Variants in SH3RF1 observed in about 807,000 individuals in gnomAD.
The protein encoded by SH3RF1 is SH3 domain containing ring finger 1, also known as E3 ubiquitin-protein ligase SH3RF1.
In SH3RF1, 32 loss-of-function variants were observed where a neutral mutation model predicts 74.0. The ratio of observed to expected loss-of-function variants is 0.43; its 90% CI spans 0.33 to 0.58. The LOEUF (loss-of-function observed/expected upper bound fraction) is 0.58, where lower values mean the gene tolerates loss of function less well. Among genes scored for constraint, SH3RF1 ranks in the 20% least tolerant of loss-of-function variants. SH3RF1 has a pLI of 0.05. For missense variants in SH3RF1, 954 were observed against 1,130.9 expected (o/e 0.84, Z 2.24); for synonymous variants, 396 against 439.6 (o/e 0.90, Z 1.24).
chr4:169,246,777 C>T (rs1440267404), intron 2 of SH3RF1, among the ~76,000 whole-genome samples: 1 of 152,230 alleles, frequency 6.6e-6, no homozygotes, highest in African/African-American at 2.4e-5. Flanking sequence ...GTCTGATCCA[C>T]TAATGTAAGT....
intron 2 of SH3RF1, among the ~76,000 whole-genome samples, chr4:169,170,945 AAAAT>A (rs1163878757): frequency 6.6e-6 from 1 of 152,260 alleles, no homozygotes; most frequent in Non-Finnish European, 1.5e-5. Flanking sequence ...GGAGAACTGT[AAAAT>A]AAATACAGTA....
Position 169,122,140 on chromosome 4 carries a change from C to A in SH3RF1, c.1306G>T (p.Asp436Tyr). 1 of 1,613,092 alleles carries A rather than the reference C, an allele frequency of 6.2e-7. No individual in the cohort carries two copies. Among genetic ancestry groups the A allele is most frequent in the South Asian group, 1.1e-5 (1 of 91,000 alleles). Residue 436 changes from aspartate to tyrosine, a missense_variant, in exon 7 of 12, where the codon GAC becomes TAC. By Grantham distance (160) the Asp-to-Tyr change is radical. Transcript: ENST00000284637. The part of the protein sequence containing the change: ...MGPRPMAGST[D>Y]QIAHLRPQTR... ...TGCGGCCGTAAATGTGCAATCTGGT[C>A]AGTGGATCCTGCCATGGGCCTCGGT... is the stretch of plus-strand genomic sequence containing the variant.
chr4:169,221,172 C>G (rs558024087), intron 2 of SH3RF1, among the ~76,000 whole-genome samples: 1 of 152,136 alleles, frequency 6.6e-6, no homozygotes, highest in Non-Finnish European at 1.5e-5. Context: ...AGCATTAAGA[C>G]GAAAGGCTGA....
intron 2 of SH3RF1, among the ~76,000 whole-genome samples, chr4:169,159,900 T>C (rs1305709883): frequency 3.9e-5 from 6 of 152,218 alleles, no homozygotes; most frequent in Non-Finnish European, 8.8e-5. Context: ...ACACATTTGT[T>C]TTCTGAGTAG....
intron 11 of SH3RF1, among the ~76,000 whole-genome samples, chr4:169,097,046 A>T (rs1407722871): frequency 6.6e-6 from 1 of 152,184 alleles, no homozygotes; most frequent in Non-Finnish European, 1.5e-5. Flanking sequence ...CTCCAAGGAA[A>T]CAGGAGTGAA....
At chr4:169,260,231 T>C (rs1005900316) in intron 2 of SH3RF1, among the ~76,000 whole-genome samples, 1 of 152,232 alleles carries the variant, frequency 6.6e-6, no homozygotes, top group Non-Finnish European at 1.5e-5. Flanking sequence ...CCTCTGATTT[T>C]ATTCTTTTGC....
intron 2 of SH3RF1, among the ~76,000 whole-genome samples, chr4:169,237,381 C>T (rs1730837458): frequency 6.6e-6 from 1 of 152,204 alleles, no homozygotes; most frequent in Non-Finnish European, 1.5e-5. Context: ...TGGCTCATGC[C>T]TGTAATCACA....
At chr4:169,254,969 C>G (rs1304533239) in intron 2 of SH3RF1, among the ~76,000 whole-genome samples, 1 of 152,176 alleles carries the variant, frequency 6.6e-6, no homozygotes, top group East Asian at 1.9e-4. Context: ...AGAAGAGGTA[C>G]AGGGGAGCAC....
At chr4:169,191,281 C>T (rs1734702572) in intron 2 of SH3RF1, among the ~76,000 whole-genome samples, 1 of 146,260 alleles carries the variant, frequency 6.8e-6, no homozygotes, top group East Asian at 2.0e-4. Context: ...AGAACTCAAT[C>T]CCTTTTACAA....
intron 2 of SH3RF1, among the ~76,000 whole-genome samples, chr4:169,250,826 G>T (rs928162750): frequency 6.6e-6 from 1 of 152,142 alleles, no homozygotes; most frequent in Non-Finnish European, 1.5e-5. Context: ...TTTGGATATG[G>T]TGGTCACAGA....
chr4:169,100,825 A>T (rs530181841), intron 11 of SH3RF1, among the ~76,000 whole-genome samples: 4 of 151,664 alleles, frequency 2.6e-5, no homozygotes, highest in African/African-American at 9.7e-5. Context: ...AGTCCCAAAC[A>T]CTCCCCTAAG....
At chr4:169,254,972 G>A (rs949231229) in intron 2 of SH3RF1, among the ~76,000 whole-genome samples, 3 of 152,206 alleles carry the variant, frequency 2.0e-5, no homozygotes, top group African/African-American at 7.2e-5. Flanking sequence ...AGAGGTACAG[G>A]GGAGCACCTC....
rs202243296 is a variant in SH3RF1 at position 169,136,405 on chromosome 4, G to A, written c.981C>T (p.Ser327=). Residue 327 remains serine, a synonymous_variant, in exon 5 of 12, where the codon AGC becomes AGT. Coordinates refer to ENST00000284637, the MANE Select transcript of SH3RF1 (RefSeq NM_020870.4). ...TGCTGGAGCTGATGAGGACAGGGGG[G>A]CTGATCTCCATGGAGTGGCGGTTCT... ...ASQNRHSMEI[S]PPVLISSSNP... is the part of the protein sequence containing the mutation. 4 of 1,606,028 alleles carry A rather than the reference G, an allele frequency of 2.5e-6. No individual in the cohort carries two copies. The highest frequency in any genetic ancestry group is 3.4e-6 in the Non-Finnish European group (4 of 1,176,260).
Position 169,122,189 on chromosome 4 carries a change from G to T in SH3RF1, c.1257C>A (p.Ala419=), listed in dbSNP as rs369189875. 1.2e-6 allele frequency: 2 copies of T among 1,613,684 alleles called. No homozygotes were observed. Among genetic ancestry groups the T allele is most frequent in the Non-Finnish European group, 1.7e-6 (2 of 1,179,982 alleles). The change falls in exon 7 of 12, where the codon GCC becomes GCA. Residue 419 remains alanine, a synonymous_variant. Transcript: ENST00000284637. ...VLASTPPGAT[A]AAAAAGMGPR... is the part of the protein sequence containing the mutation. ...GTCCCATTCCAGCAGCAGCAGCAGC[G>T]GCGGTGGCGCCTGGTGGTGTGGAGG... is the stretch of plus-strand genomic sequence containing the variant.
At chr4:169,129,359 T>C (rs1733575734) in intron 6 of SH3RF1, among the ~76,000 whole-genome samples, 1 of 152,254 alleles carries the variant, frequency 6.6e-6, no homozygotes, top group Non-Finnish European at 1.5e-5. Flanking sequence ...AGGTTGCATT[T>C]GCTTGTTGCT....
chr4:169,122,076 G>A, intron 7 of SH3RF1, 24 bp downstream of exon 7: 1 of 1,610,400 alleles, frequency 6.2e-7, no homozygotes, highest in Non-Finnish European at 8.5e-7. Flanking sequence ...CACATAAGCA[G>A]TAACAGACGA....
chr4:169,257,863 C>G (rs1731217498), intron 2 of SH3RF1, among the ~76,000 whole-genome samples: 1 of 152,128 alleles, frequency 6.6e-6, no homozygotes, highest in Non-Finnish European at 1.5e-5. Context: ...CTTTTCTGCT[C>G]TACCTCACTT....
At chr4:169,100,999 A>G (rs1162848097) in intron 11 of SH3RF1, among the ~76,000 whole-genome samples, 3 of 152,138 alleles carry the variant, frequency 2.0e-5, no homozygotes, top group Non-Finnish European at 4.4e-5. Context: ...CTCCAGCCCC[A>G]TGGCTGGAGG....
chr4:169,098,916 C>T (rs909394703), intron 11 of SH3RF1, among the ~76,000 whole-genome samples: 10 of 152,148 alleles, frequency 6.6e-5, no homozygotes, highest in Admixed American at 3.3e-4. Context: ...CCATTATGAT[C>T]ATATGGCTTA....
Sources: allele counts gnomAD v4.1 joint callset (sites outside exome capture counted in the v4.1 genomes callset), GRCh38; gene constraint gnomAD v4.1.1; transcripts MANE v1.5; gene names NCBI Gene and HGNC (gene_info 2026-07-23, HGNC 2026-07-21).